The following ZDHHC14 variants were observed in gnomAD, a reference collection of about 807,000 sequenced individuals.
The protein encoded by ZDHHC14 is palmitoyltransferase ZDHHC14.
Under a neutral mutation model 47.7 loss-of-function variants are expected in ZDHHC14, and 16 were observed. That is an observed-to-expected ratio of 0.34 (90% confidence interval 0.23 to 0.51). The LOEUF (loss-of-function observed/expected upper bound fraction) is 0.51, where lower values mean the gene tolerates loss of function less well. Ranked by LOEUF, ZDHHC14 falls within the 20% of genes least tolerant of loss-of-function variation. ZDHHC14 has a pLI of 0.97. For synonymous variants in ZDHHC14, 293 were observed against 278.9 expected, an observed-to-expected ratio of 1.05 and a Z score of -0.50; for missense variants, 515 against 662.5, an observed-to-expected ratio of 0.78 and a Z score of 2.44.
intron 5 of ZDHHC14, among the ~76,000 whole-genome samples, chr6:157,635,197 G>A (rs915241518): frequency 3.9e-5 from 6 of 152,306 alleles, no homozygotes; most frequent in African/African-American, 1.4e-4. Flanking sequence ...GTTTCACCAT[G>A]TTGGTCAGGC....
chr6:157,493,270 C>T (rs934397074), intron 1 of ZDHHC14, among the ~76,000 whole-genome samples: 14 of 152,176 alleles, frequency 9.2e-5, no homozygotes, highest in Admixed American at 2.0e-4. Flanking sequence ...GTTGGGGACC[C>T]GTGACCTTGT....
At chr6:157,620,132 A>G (rs932480261) in intron 3 of ZDHHC14, among the ~76,000 whole-genome samples, 1 of 152,210 alleles carries the variant, frequency 6.6e-6, no homozygotes, top group African/African-American at 2.4e-5. Context: ...TGTAATGTAC[A>G]AAGAAAAGGG....
chr6:157,624,134 A>T (rs1206526101), intron 3 of ZDHHC14, among the ~76,000 whole-genome samples: 1 of 152,200 alleles, frequency 6.6e-6, no homozygotes, highest in East Asian at 1.9e-4. Context: ...TGTTGGTTGC[A>T]GTCACTTGCT....
At chr6:157,443,279 T>C (rs1778596048) in intron 1 of ZDHHC14, among the ~76,000 whole-genome samples, 1 of 152,182 alleles carries the variant, frequency 6.6e-6, no homozygotes, top group Non-Finnish European at 1.5e-5. Context: ...TCCCCAGCCA[T>C]GCTGAACTGT....
chr6:157,475,622 T>C (rs754668383), intron 1 of ZDHHC14, among the ~76,000 whole-genome samples: 1 of 152,200 alleles, frequency 6.6e-6, no homozygotes, highest in Non-Finnish European at 1.5e-5. Flanking sequence ...TTTTGGTAAC[T>C]CTTGTGAATG....
At chr6:157,455,623 G>C (rs990620997) in intron 1 of ZDHHC14, among the ~76,000 whole-genome samples, 2 of 152,160 alleles carry the variant, frequency 1.3e-5, no homozygotes, top group Non-Finnish European at 2.9e-5. Context: ...CCTGTTGAGG[G>C]GCTGGTTAGA....
intron 1 of ZDHHC14, among the ~76,000 whole-genome samples, chr6:157,477,344 C>T (rs925349744): frequency 2.0e-5 from 3 of 152,198 alleles, no homozygotes; most frequent in Admixed American, 2.0e-4. Context: ...CGTGCCACTG[C>T]ACTCCAGGCT....
chr6:157,410,053 A>T (rs1777843905), intron 1 of ZDHHC14, among the ~76,000 whole-genome samples: 1 of 151,840 alleles, frequency 6.6e-6, no homozygotes, highest in African/African-American at 2.4e-5. Context: ...CTGGTCTCGA[A>T]CTCCTGGCCT....
intron 3 of ZDHHC14, among the ~76,000 whole-genome samples, chr6:157,598,576 A>C (rs551251437): frequency 1.3e-5 from 2 of 152,346 alleles, no homozygotes; most frequent in Admixed American, 1.3e-4. Context: ...GTAATTTTAT[A>C]TTGGTTAAGA....
chr6:157,642,639 G>A (rs1324936368), intron 5 of ZDHHC14, among the ~76,000 whole-genome samples: 1 of 152,170 alleles, frequency 6.6e-6, no homozygotes, highest in Non-Finnish European at 1.5e-5. Context: ...ACCCATCCTC[G>A]ATGCAGTAAA....
At chr6:157,633,500 T>G (rs1165943160) in intron 5 of ZDHHC14, among the ~76,000 whole-genome samples, 1 of 152,108 alleles carries the variant, frequency 6.6e-6, no homozygotes, top group Non-Finnish European at 1.5e-5. Flanking sequence ...GCCCATTAAG[T>G]GCTTGAATGA....
intron 1 of ZDHHC14, among the ~76,000 whole-genome samples, chr6:157,484,336 T>C (rs1779716606): frequency 1.4e-5 from 2 of 142,358 alleles, no homozygotes; most frequent in South Asian, 2.2e-4. Flanking sequence ...TACGTATATA[T>C]ACATTATACG....
intron 1 of ZDHHC14, among the ~76,000 whole-genome samples, chr6:157,537,304 T>A (rs1211509401): frequency 3.3e-5 from 5 of 152,112 alleles, no homozygotes; most frequent in Non-Finnish European, 5.9e-5. Flanking sequence ...CTGAAAAAAA[T>A]TCCATATAAT....
At position 157,557,118 on chromosome 6, in the gene ZDHHC14, C is replaced by T. The variant is rs539110419; in HGVS notation, c.406+14373C>T. On this transcript the variant is annotated intron_variant, in intron 2 of 8. Coordinates refer to ENST00000359775, the MANE Select transcript of ZDHHC14 (RefSeq NM_024630.3). ...CCAGCTGCAGTCACCTTCTCTGAAC[C>T]AGGGGCAAAATAGCACCACCTGAAC... Among the ~76,000 whole-genome samples the T allele has an allele frequency of 7.8e-4, 119 of 152,300 alleles. 2 individuals carry two copies. The highest frequency in any genetic ancestry group is 2.7e-3 in the African/African-American group (114 of 41,568).
intron 1 of ZDHHC14, among the ~76,000 whole-genome samples, chr6:157,540,195 G>A (rs1781694505): frequency 6.6e-6 from 1 of 152,202 alleles, no homozygotes; most frequent in Non-Finnish European, 1.5e-5. Context: ...TATTATCCCT[G>A]CAGTGAGAGT....
chr6:157,542,852 G>A, intron 2 of ZDHHC14, 107 bp downstream of exon 2: 1 of 1,375,150 alleles, frequency 7.3e-7, no homozygotes, highest in Admixed American at 2.5e-5. Flanking sequence ...GCGCTGGGAA[G>A]GAAGGAGGCC....
chr6:157,555,168 TAGAAA>T (rs966055447), intron 2 of ZDHHC14, among the ~76,000 whole-genome samples: 1 of 152,238 alleles, frequency 6.6e-6, no homozygotes, highest in African/African-American at 2.4e-5. Flanking sequence ...ACTTCCATTC[TAGAAA>T]AGAAAAGGCA....
At chr6:157,501,014 T>G (rs920321247) in intron 1 of ZDHHC14, among the ~76,000 whole-genome samples, 1 of 152,218 alleles carries the variant, frequency 6.6e-6, no homozygotes, top group Non-Finnish European at 1.5e-5. Flanking sequence ...TTGGAAAGAT[T>G]GGATTTGTTT....
At position 157,484,318 on chromosome 6, in the gene ZDHHC14, C is replaced by CATATATATGT. The variant is rs1554260638; in HGVS notation, c.246-58259_246-58258insGTATATATAT. On this transcript the variant is annotated intron_variant, in intron 1 of 8. Coordinates refer to ENST00000359775, the MANE Select transcript of ZDHHC14 (RefSeq NM_024630.3). Reference sequence around the variant, plus strand: ...GTATATATATATACATATATATACACATATATATACGTATATATACATTAT... The same window carrying CATATATATGT: ...GTATATATATATACATATATATACACATATATATGTATATATATACGTATATATACATTAT... 2.1e-4 allele frequency among the ~76,000 whole-genome samples: 28 copies of CATATATATGT among 133,584 alleles called. 1 individual carries two copies. Among genetic ancestry groups the CATATATATGT allele is most frequent in the Non-Finnish European group, 3.8e-4 (24 of 63,474 alleles). The allele number at this position is 133,584 out of a possible 152,430, so 87.6% of individuals were successfully genotyped here.
Sources: allele counts gnomAD v4.1 joint callset (sites outside exome capture counted in the v4.1 genomes callset), GRCh38; gene constraint gnomAD v4.1.1; transcripts MANE v1.5; gene names NCBI Gene and HGNC (gene_info 2026-07-23, HGNC 2026-07-21).